Variants in TEX14 observed in about 807,000 individuals in gnomAD.
TEX14 encodes inactive serine/threonine-protein kinase TEX14.
In TEX14, 168 loss-of-function variants were observed where a neutral mutation model predicts 178.6. The observed-to-expected ratio is 0.94, with a 90% CI of 0.83 to 1.07. The LOEUF (loss-of-function observed/expected upper bound fraction) is 1.07. TEX14 is among the 50% of genes least tolerant of loss of function. The pLI is 0.00. For synonymous variants in TEX14, 626 were observed against 634.1 expected (o/e 0.99, Z 0.19); for missense variants, 1,730 against 1,753.6 (o/e 0.99, Z 0.24).
Position 58,617,621 on chromosome 17 carries a change from T to C in TEX14, c.555-2A>G, listed in dbSNP as rs753262385. ...CGGTTAGGAGAGCCATTAGGGTTTC[T>C]AGAAATATTTAAAACAGGAAAAAAA... On this transcript the variant is annotated splice_acceptor_variant, in intron 5 of 31. Coordinates refer to ENST00000349033, the MANE Select transcript of TEX14 (RefSeq NM_031272.5). LOFTEE classifies it high-confidence loss of function. 1 of 1,607,846 alleles carries C rather than the reference T, an allele frequency of 6.2e-7. No homozygotes were observed. The highest frequency in any genetic ancestry group is 1.1e-5 in the South Asian group (1 of 90,368).
chr17:58,564,983 A>C lies in TEX14; in HGVS notation c.3965-15T>G, dbSNP rs749934198. On this transcript the variant is annotated splice_polypyrimidine_tract_variant and intron_variant, in intron 27 of 31. Transcript: ENST00000349033. Reference sequence around the variant, plus strand: ...GTGCCTTTGATCTAAAAACAGTTGAAAGAATTAACTTTATTAGAACGAAAA... The same window carrying C: ...GTGCCTTTGATCTAAAAACAGTTGACAGAATTAACTTTATTAGAACGAAAA... 27 of 1,506,328 alleles carry C rather than the reference A, an allele frequency of 1.8e-5. 2 individuals are homozygous for C. In the South Asian group the frequency reaches 3.2e-4, roughly 18 times the overall value. 93.3% of individuals were successfully genotyped at this position (1,506,328 alleles called of 1,614,324 possible).
chr17:58,584,450 T>C (rs1242276261), intron 19 of TEX14, 50 bp downstream of exon 19: 1 of 1,318,210 alleles, frequency 7.6e-7, no homozygotes, highest in Middle Eastern at 1.8e-4. Flanking sequence ...CTCAGTTCTA[T>C]CTTATTAGAT....
rs1481679281 is a variant in TEX14 at position 58,611,169 on chromosome 17, C to T, written c.1176G>A (p.Met392Ile). 1 of 1,613,374 alleles carries T rather than the reference C, an allele frequency of 6.2e-7. No homozygotes were observed. Among genetic ancestry groups the T allele is most frequent in the Admixed American group, 1.7e-5 (1 of 59,976 alleles). ...GEARLTNLEY[M>I]LESEDRGVQR... Reference sequence around the variant, plus strand: ...CTCCATGTTATGCCCACCTTTCCAACATGTACTCCAGGTTGGTCAGCCTCG... The same window carrying T: ...CTCCATGTTATGCCCACCTTTCCAATATGTACTCCAGGTTGGTCAGCCTCG... Residue 392 changes from methionine to isoleucine, a missense_variant, in exon 10 of 32, where the codon ATG becomes ATA. Met to Ile is a conservative substitution (Grantham distance 10). Coordinates refer to ENST00000349033, the MANE Select transcript of TEX14 (RefSeq NM_031272.5).
chr17:58,567,540 G>C (rs2044427940), intron 26 of TEX14, among the ~76,000 whole-genome samples: 1 of 152,098 alleles, frequency 6.6e-6, no homozygotes, highest in Admixed American at 6.6e-5. Flanking sequence ...TCCACTTTAG[G>C]CACCTGTCAG....
chr17:58,640,612 AGTGTGTGT>A (rs33931543), intron 2 of TEX14, among the ~76,000 whole-genome samples: 12 of 143,852 alleles, frequency 8.3e-5, no homozygotes, highest in East Asian at 6.1e-4. Context: ...CTTACCTTCT[AGTGTGTGT>A]GTGTGTGTGT....
At chr17:58,590,480 CAG>C (rs2045104224) in intron 15 of TEX14, among the ~76,000 whole-genome samples, 1 of 152,028 alleles carries the variant, frequency 6.6e-6, no homozygotes, top group South Asian at 2.1e-4. Flanking sequence ...CTATTCATAA[CAG>C]AATAAAGAAT....
intron 1 of TEX14, among the ~76,000 whole-genome samples, chr17:58,653,898 TGGGCC>T (rs1276225904): frequency 6.6e-6 from 1 of 152,130 alleles, no homozygotes; most frequent in East Asian, 1.9e-4. Flanking sequence ...TTGGAGAAAC[TGGGCC>T]GGGCATGGTG....
At chr17:58,680,743 C>A (rs1050761156) in intron 1 of TEX14, among the ~76,000 whole-genome samples, 2 of 151,940 alleles carry the variant, frequency 1.3e-5, no homozygotes, top group Non-Finnish European at 2.9e-5. Flanking sequence ...CTCAAAAAAA[C>A]CCCACAAAAA....
chr17:58,595,372 G>A (rs117841255), intron 14 of TEX14, among the ~76,000 whole-genome samples: 4,617 of 152,202 alleles, frequency 0.03, 120 homozygotes, highest in Non-Finnish European at 0.042. Context: ...AGCAGTGGCC[G>A]CCATCAATTC....
At chr17:58,581,518 C>T (rs1175277593) in intron 19 of TEX14, 4 of 1,417,938 alleles carry the variant, frequency 2.8e-6, no homozygotes, top group Admixed American at 1.9e-5. Context: ...GTAGACATTA[C>T]ATACTTTGAT....
At chr17:58,620,034 T>C (rs2045962147) in intron 5 of TEX14, among the ~76,000 whole-genome samples, 2 of 152,102 alleles carry the variant, frequency 1.3e-5, no homozygotes, top group Non-Finnish European at 2.9e-5. Context: ...TTAGTAGCAA[T>C]GAATAGGATA....
intron 18 of TEX14, 125 bp downstream of exon 18, chr17:58,585,676 A>G: frequency 3.0e-6 from 2 of 676,788 alleles, no homozygotes; most frequent in Non-Finnish European, 4.5e-6. Flanking sequence ...GGCTGGTCCC[A>G]AATTCCTGGG....
chr17:58,618,205 T>A (rs1007708074), intron 5 of TEX14, among the ~76,000 whole-genome samples: 1 of 152,222 alleles, frequency 6.6e-6, no homozygotes, highest in South Asian at 2.1e-4. Flanking sequence ...AAAATTTTAT[T>A]GTTTGAGGCT....
At chr17:58,611,503 T>C (rs2045746226) in intron 9 of TEX14, among the ~76,000 whole-genome samples, 164 bp from the exon 10 acceptor site, 1 of 152,230 alleles carries the variant, frequency 6.6e-6, no homozygotes, top group Admixed American at 6.5e-5. Flanking sequence ...GTGAATGGCC[T>C]GACGTCCCAA....
At chr17:58,676,754 G>A (rs1425736205) in intron 1 of TEX14, among the ~76,000 whole-genome samples, 2 of 152,146 alleles carry the variant, frequency 1.3e-5, no homozygotes, top group Non-Finnish European at 2.9e-5. Context: ...GAGAGGCCGA[G>A]GTGGGAGGAT....
intron 3 of TEX14, among the ~76,000 whole-genome samples, chr17:58,629,902 G>A (rs1379344071): frequency 2.8e-5 from 3 of 106,004 alleles, no homozygotes; most frequent in Admixed American, 1.4e-4. Context: ...TTCGTGTTTC[G>A]TGTTTTTTTT....
At chr17:58,616,095 C>A in intron 7 of TEX14, 80 bp downstream of exon 7, 1 of 1,471,240 alleles carries the variant, frequency 6.8e-7, no homozygotes, top group Admixed American at 2.1e-5. Context: ...GTAGAAACTC[C>A]CCACACATAA....
intron 19 of TEX14, chr17:58,581,530 T>C: frequency 6.7e-7 from 1 of 1,489,598 alleles, no homozygotes; most frequent in Non-Finnish European, 9.2e-7. Flanking sequence ...TACTTTGATA[T>C]GTAAGCTATT....
chr17:58,568,950 A>G (rs941369338), intron 26 of TEX14, among the ~76,000 whole-genome samples: 4 of 152,198 alleles, frequency 2.6e-5, no homozygotes, highest in South Asian at 2.1e-4. Flanking sequence ...ATTCATCAAC[A>G]TAAGTCCTTT....
Sources: allele counts gnomAD v4.1 joint callset (sites outside exome capture counted in the v4.1 genomes callset), GRCh38; gene constraint gnomAD v4.1.1; transcripts MANE v1.5; gene names NCBI Gene and HGNC (gene_info 2026-07-23, HGNC 2026-07-21).